Variants in ICA1L observed in about 807,000 individuals in gnomAD.
ICA1L encodes the protein islet cell autoantigen 1 like.
Under a neutral mutation model 61.3 loss-of-function variants are expected in ICA1L, and 50 were observed. That is an observed-to-expected ratio of 0.82 (90% CI 0.65 to 1.03). ICA1L has a LOEUF of 1.03. Among genes scored for constraint, ICA1L ranks in the 50% least tolerant of loss-of-function variants. The pLI is 0.00. For synonymous variants in ICA1L, 161 were observed against 191.3 expected (o/e 0.84, Z 1.31); for missense variants, 508 against 556.7 (o/e 0.91, Z 0.88).
At chr2:202,840,872 TG>T in intron 1 of ICA1L, 1 of 651,548 alleles carries the variant, frequency 1.5e-6, no homozygotes, top group Non-Finnish European at 2.9e-6. Flanking sequence ...TCTCAGTCTT[TG>T]CATGCCGCAG....
intron 10 of ICA1L, among the ~76,000 whole-genome samples, chr2:202,794,345 C>CAAAAAAAA (rs202022262): frequency 1.1e-5 from 1 of 90,952 alleles, no homozygotes. Context: ...GACTCCATCT[C>CAAAAAAAA]AAAAAAAAAA....
rs1208964468 is a variant in ICA1L at position 202,774,221 on chromosome 2, CG to C, written c.*5311del. ...CTCCAGCAGCGCCGGATCGAAGGCG[CG>C]GGGCGGCTCCTGAGTCTTCTCGCTC... On this transcript the variant is annotated 3_prime_UTR_variant, in exon 13 of 13. Transcript: ENST00000358299. 1 of 1,550,186 alleles carries C rather than the reference CG, an allele frequency of 6.5e-7. No homozygotes were observed. Among genetic ancestry groups the C allele is most frequent in the Non-Finnish European group, 8.7e-7 (1 of 1,146,500 alleles).
At chr2:202,828,700 C>T in intron 2 of ICA1L, 148 bp downstream of exon 2, 1 of 698,352 alleles carries the variant, frequency 1.4e-6, no homozygotes, top group Non-Finnish European at 2.3e-6. Context: ...ATTCAGAGCT[C>T]TGATTGACAG....
chr2:202,792,658 T>G (rs2105825317), intron 10 of ICA1L, among the ~76,000 whole-genome samples: 1 of 151,914 alleles, frequency 6.6e-6, no homozygotes, highest in Admixed American at 6.6e-5. Flanking sequence ...TAGAACAAAT[T>G]AGCCGGGCAT....
chr2:202,820,155 CCT>C, intron 4 of ICA1L: 1 of 403,672 alleles, frequency 2.5e-6, no homozygotes. Flanking sequence ...GGGCAGATCG[CCT>C]GAGGTCAGGA....
intron 9 of ICA1L, among the ~76,000 whole-genome samples, chr2:202,809,070 A>C (rs935470321): frequency 6.6e-6 from 1 of 152,166 alleles, no homozygotes; most frequent in African/African-American, 2.4e-5. Context: ...CCAATCCTGA[A>C]GTGACAGAGA....
At chr2:202,784,385 C>T (rs1692511957) in intron 12 of ICA1L, among the ~76,000 whole-genome samples, 1 of 152,146 alleles carries the variant, frequency 6.6e-6, no homozygotes, top group Non-Finnish European at 1.5e-5. Flanking sequence ...GCGGAGGTTG[C>T]AGTGAGCCAA....
chr2:202,835,816 C>T (rs530351745), intron 1 of ICA1L, among the ~76,000 whole-genome samples: 1 of 152,212 alleles, frequency 6.6e-6, no homozygotes, highest in African/African-American at 2.4e-5. Flanking sequence ...TCCCAACGTC[C>T]TGGGATTACA....
At chr2:202,860,196 C>T (rs1461032260) in intron 1 of ICA1L, 1 of 151,264 alleles carries the variant, frequency 6.6e-6, no homozygotes, top group African/African-American at 2.4e-5. Context: ...TGCTTGAGCC[C>T]AGGAGTTCAA....
Position 202,849,254 on chromosome 2 carries a change from A to G in ICA1L, c.-7-20238T>C, listed in dbSNP as rs1694548345. 6.6e-6 allele frequency among the ~76,000 whole-genome samples: 1 copy of G among 152,074 alleles called. No individual in the cohort carries two copies. Among genetic ancestry groups the G allele is most frequent in the African/African-American group, 2.4e-5 (1 of 41,400 alleles). ...GTTTTTGTTTTTGTTTTTGTACCCC[A>G]GTGGTGCCTGGAACCCCAGCGAGAC... is the stretch of plus-strand genomic sequence containing the variant. On this transcript the variant is annotated intron_variant, in intron 1 of 12. Transcript: ENST00000358299. This position sits in a 1 kb window ranked among gnomAD's most constrained non-coding sequence, Gnocchi z 4.5.
intron 1 of ICA1L, among the ~76,000 whole-genome samples, chr2:202,867,765 C>G (rs1038125096): frequency 6.6e-6 from 1 of 152,172 alleles, no homozygotes; most frequent in Admixed American, 6.5e-5. Context: ...AACCTTCATA[C>G]ATTGGTCGTG....
At chr2:202,846,144 A>C (rs956247069) in intron 1 of ICA1L, among the ~76,000 whole-genome samples, 1 of 152,206 alleles carries the variant, frequency 6.6e-6, no homozygotes, top group Non-Finnish European at 1.5e-5. Flanking sequence ...TTCTGCAGCA[A>C]ATTTGCTACA....
At chr2:202,863,717 T>C (rs897560788) in intron 1 of ICA1L, among the ~76,000 whole-genome samples, 1 of 149,942 alleles carries the variant, frequency 6.7e-6, no homozygotes, top group Non-Finnish European at 1.5e-5. Flanking sequence ...GTCCCAGCTA[T>C]TCGGGAGGCT....
chr2:202,866,290 C>A (rs968105913), intron 1 of ICA1L, among the ~76,000 whole-genome samples: 1 of 152,112 alleles, frequency 6.6e-6, no homozygotes, highest in African/African-American at 2.4e-5. Flanking sequence ...CAGAGTTCGG[C>A]CCCCTTCCCT....
At chr2:202,819,965 A>ATTT in intron 4 of ICA1L, 66 bp from the exon 5 acceptor site, 1 of 1,183,480 alleles carries the variant, frequency 8.4e-7, no homozygotes. Context: ...CAAAGGTTTA[A>ATTT]ACCAATGAAA....
In ICA1L at chr2:202,849,422, T is replaced by G. The variant is rs769919311; in HGVS notation, c.-7-20406A>C. 1.8e-3 allele frequency among the ~76,000 whole-genome samples: 276 copies of G among 152,282 alleles called. No homozygotes were observed. Among genetic ancestry groups the G allele is most frequent in the Non-Finnish European group, 9.0e-4 (61 of 68,032 alleles). On this transcript the variant is annotated intron_variant, in intron 1 of 12. Coordinates refer to ENST00000358299, the MANE Select transcript of ICA1L (RefSeq NM_001288622.3). This position sits in a 1 kb window ranked among gnomAD's most constrained non-coding sequence, Gnocchi z 4.5. Reference sequence around the variant, plus strand: ...TGCCAGCACAGCAGTCTGAAGTTGATCTGGGACGATCAAGCTTGGTGGGGG... The same window carrying G: ...TGCCAGCACAGCAGTCTGAAGTTGAGCTGGGACGATCAAGCTTGGTGGGGG...
chr2:202,807,362 C>T (rs991090220), intron 9 of ICA1L, among the ~76,000 whole-genome samples: 4 of 152,160 alleles, frequency 2.6e-5, no homozygotes, highest in Non-Finnish European at 4.4e-5. Flanking sequence ...TGCTGCCTGC[C>T]ACAGCTGAAA....
intron 9 of ICA1L, among the ~76,000 whole-genome samples, chr2:202,809,730 A>T (rs1325916499): frequency 6.6e-6 from 1 of 152,156 alleles, no homozygotes; most frequent in Non-Finnish European, 1.5e-5. Context: ...CAGAGGTTGC[A>T]GTGTGCCAAG....
intron 1 of ICA1L, 34 bp from the exon 2 acceptor site, chr2:202,829,050 A>T (rs775556936): frequency 5.3e-6 from 8 of 1,504,202 alleles, no homozygotes; most frequent in Non-Finnish European, 7.1e-6. Flanking sequence ...AACTTCTTTT[A>T]AAAATTCTCA....
Sources: gnomAD v4.1 joint callset for allele counts (sites outside exome capture counted in the v4.1 genomes callset) on GRCh38, gnomAD v4.1.1 for gene constraint, Gnocchi (gnomAD v3.1) non-coding constraint, MANE v1.5 for transcripts, NCBI Gene and HGNC (gene_info 2026-07-23, HGNC 2026-07-21) for gene names.